The following TRPC3 variants were observed in gnomAD, a reference collection of about 807,000 sequenced individuals.
The protein encoded by TRPC3 is short transient receptor potential channel 3.
In TRPC3, 54 loss-of-function variants were observed where a neutral mutation model predicts 90.9. The ratio of observed to expected loss-of-function variants is 0.59; its 90% CI spans 0.48 to 0.75. The LOEUF (loss-of-function observed/expected upper bound fraction) is 0.75, where lower values mean the gene tolerates loss of function less well. TRPC3 is among the 30% of genes least tolerant of loss of function. The probability of loss-of-function intolerance (pLI) is 0.00; values close to 1 mark genes in which losing one functional copy is unlikely to be tolerated. For missense variants in TRPC3, 918 were observed against 1,194.5 expected, an observed-to-expected ratio of 0.77 and a Z score of 3.41; for synonymous variants, 424 against 450.9, an observed-to-expected ratio of 0.94 and a Z score of 0.75.
chr4:121,936,185 G>A (rs1175510253), intron 1 of TRPC3, among the ~76,000 whole-genome samples: 1 of 152,120 alleles, frequency 6.6e-6, no homozygotes, highest in African/African-American at 2.4e-5. Flanking sequence ...ATAGTACTAA[G>A]ATAAATTTCA....
intron 10 of TRPC3, among the ~76,000 whole-genome samples, chr4:121,886,643 G>T (rs901050103): frequency 3.9e-5 from 6 of 152,154 alleles, no homozygotes; most frequent in Non-Finnish European, 7.4e-5. Context: ...GGGTAACAGA[G>T]AATAAATTTG....
chr4:121,890,780 A>G (rs997802058), intron 10 of TRPC3, among the ~76,000 whole-genome samples: 2 of 152,124 alleles, frequency 1.3e-5, no homozygotes, highest in African/African-American at 2.4e-5. Context: ...TCATGAGGTC[A>G]GGAGATCGAG....
intron 1 of TRPC3, among the ~76,000 whole-genome samples, chr4:121,948,187 A>AG (rs1730558274): frequency 6.6e-6 from 1 of 151,796 alleles, no homozygotes; most frequent in African/African-American, 2.4e-5. Flanking sequence ...GAAAAAAAAA[A>AG]AAAACAAAAA....
intron 2 of TRPC3, among the ~76,000 whole-genome samples, chr4:121,931,701 T>C (rs1578648000): frequency 6.6e-6 from 1 of 152,222 alleles, no homozygotes. Context: ...ACTTTAATAG[T>C]ATTTTTTATT....
At chr4:121,886,944 G>A (rs1358719608) in intron 10 of TRPC3, among the ~76,000 whole-genome samples, 1 of 152,184 alleles carries the variant, frequency 6.6e-6, no homozygotes, top group Non-Finnish European at 1.5e-5. Context: ...TAAAGGAAAA[G>A]AAGAGGCAGT....
chr4:121,930,963 G>A (rs1157596651), intron 2 of TRPC3: 1 of 218,704 alleles, frequency 4.6e-6, no homozygotes, highest in Non-Finnish European at 9.1e-6. Flanking sequence ...TCCCTTTTTT[G>A]GAAAATGCTT....
intron 4 of TRPC3, among the ~76,000 whole-genome samples, chr4:121,914,466 A>G (rs1729228388): frequency 6.6e-6 from 1 of 152,244 alleles, no homozygotes; most frequent in Admixed American, 6.5e-5. Context: ...CACTCTACTT[A>G]TTAAGCCGTC....
At chr4:121,896,713 G>T (rs992905119) in intron 10 of TRPC3, among the ~76,000 whole-genome samples, 8 of 151,416 alleles carry the variant, frequency 5.3e-5, no homozygotes, top group African/African-American at 1.7e-4. Flanking sequence ...AAATGACAAC[G>T]GTACTCAAAG....
At chr4:121,912,172 A>G in intron 4 of TRPC3, 79 bp from the exon 5 acceptor site, 1 of 1,185,886 alleles carries the variant, frequency 8.4e-7, no homozygotes, top group African/African-American at 1.5e-5. Flanking sequence ...AGGATTAAAA[A>G]AAATAGATGA....
At chr4:121,933,162 G>T in intron 1 of TRPC3, 120 bp from the exon 2 acceptor site, 1 of 1,396,092 alleles carries the variant, frequency 7.2e-7, no homozygotes, top group Non-Finnish European at 9.3e-7. Flanking sequence ...GCAGGGGTCG[G>T]CTCAGTTGCT....
chr4:121,889,329 A>G (rs1279093690), intron 10 of TRPC3, among the ~76,000 whole-genome samples: 1 of 152,186 alleles, frequency 6.6e-6, no homozygotes, highest in East Asian at 1.9e-4. Flanking sequence ...TACACATCTG[A>G]CAAGGGGTTA....
rs544388206 is a variant in TRPC3 at position 121,874,981 on chromosome 4, C to T, written c.*4755G>A. ...CTCTAAAAAACAAACAAAAAACTAA[C>T]TTAAAAAAAATGAAAAGTAAAGATA... On this transcript the variant is annotated 3_prime_UTR_variant, in exon 12 of 12. Coordinates refer to ENST00000379645, the MANE Select transcript of TRPC3 (RefSeq NM_001130698.2). Among the ~76,000 whole-genome samples, 2 of 151,396 alleles carry T rather than the reference C, an allele frequency of 1.3e-5. No homozygotes were observed. Among genetic ancestry groups the T allele is most frequent in the Non-Finnish European group, 2.9e-5 (2 of 67,866 alleles).
In TRPC3 at chr4:121,951,617, C is replaced by T; in HGVS notation, c.64G>A (p.Glu22Lys). 9 of 1,439,458 alleles carry T rather than the reference C, an allele frequency of 6.3e-6. No individual in the cohort carries two copies. The highest frequency in any genetic ancestry group is 1.5e-5 in the African/African-American group (1 of 67,692). The allele number at this position is 1,439,458 out of a possible 1,614,324, so 89.2% of individuals were successfully genotyped here. Residue 22 changes from glutamate (E) to lysine (K), a missense_variant, in exon 1 of 12, where the codon GAG becomes AAG. This residue lies in a region of TRPC3 where 609 missense variants were observed against 725.9 expected (regional missense o/e 0.84). Transcript: ENST00000379645. This position sits in a 1 kb window ranked among gnomAD's most constrained non-coding sequence, Gnocchi z 4.4. The stretch of plus-strand genomic sequence containing the variant: ...CCCTCGTCCTCGCCCTCGTCTTCCT[C>T]CTCCTCCGGCGCCGGGAAGGTCACC... ...ARVTFPAPEE[E>K]EDEGEDEGAE...
At chr4:121,905,603 A>G (rs1474640580) in intron 7 of TRPC3, among the ~76,000 whole-genome samples, 5 of 151,084 alleles carry the variant, frequency 3.3e-5, no homozygotes, top group Non-Finnish European at 7.4e-5. Context: ...CACACATAAA[A>G]TTCCATTACA....
In TRPC3 at chr4:121,878,350, G is replaced by C. The variant is rs556389011; in HGVS notation, c.*1386C>G. ...AAGAGCTTTTCTGCATGATAGCAAT[G>C]ATTTTAAAGTAGCATGTATTTAGTT... On this transcript the variant is annotated 3_prime_UTR_variant, in exon 12 of 12. Coordinates refer to ENST00000379645, the MANE Select transcript of TRPC3 (RefSeq NM_001130698.2). Among the ~76,000 whole-genome samples the C allele has an allele frequency of 6.6e-6, 1 of 152,162 alleles. No homozygotes were observed.
At chr4:121,920,764 C>T (rs1298385209) in intron 3 of TRPC3, among the ~76,000 whole-genome samples, 2 of 152,092 alleles carry the variant, frequency 1.3e-5, no homozygotes, top group Admixed American at 1.3e-4. Flanking sequence ...CTGTGACATG[C>T]CTATTCAAAT....
At chr4:121,884,429 G>A (rs1728041667) in intron 10 of TRPC3, among the ~76,000 whole-genome samples, 2 of 152,038 alleles carry the variant, frequency 1.3e-5, no homozygotes, top group Non-Finnish European at 2.9e-5. Context: ...TTTCATAGGT[G>A]TGAATGTAAT....
At chr4:121,892,854 C>A (rs942305383) in intron 10 of TRPC3, among the ~76,000 whole-genome samples, 1 of 152,086 alleles carries the variant, frequency 6.6e-6, no homozygotes, top group Non-Finnish European at 1.5e-5. Context: ...GTGCTGGTGG[C>A]TCATACCTTT....
chr4:121,934,504 C>G (rs1730063071), intron 1 of TRPC3, among the ~76,000 whole-genome samples: 1 of 152,130 alleles, frequency 6.6e-6, no homozygotes. Flanking sequence ...ATAAAGCTTC[C>G]ACATTACTGA....
Sources: allele counts gnomAD v4.1 joint callset (sites outside exome capture counted in the v4.1 genomes callset), GRCh38; gene constraint gnomAD v4.1.1; regional missense constraint gnomAD v4.1.1; non-coding constraint Gnocchi (gnomAD v3.1); transcripts MANE v1.5; gene names NCBI Gene and HGNC (gene_info 2026-07-23, HGNC 2026-07-21).